Variants in CFI observed in about 807,000 individuals in gnomAD.
The protein encoded by CFI is complement factor I.
A neutral mutation model predicts 78.8 loss-of-function variants in CFI; 66 were observed. The ratio of observed to expected loss-of-function variants is 0.84; its 90% CI spans 0.69 to 1.03. CFI has a LOEUF of 1.03. CFI is among the 50% of genes least tolerant of loss of function. The probability of loss-of-function intolerance (pLI) is 0.00; values close to 1 mark genes in which losing one functional copy is unlikely to be tolerated. For missense variants in CFI, 706 were observed against 704.5 expected (o/e 1.00, Z -0.02); for synonymous variants, 250 against 232.6 (o/e 1.07, Z -0.68).
intron 11 of CFI, among the ~76,000 whole-genome samples, chr4:109,745,320 A>G (rs1462470988): frequency 6.6e-6 from 1 of 151,940 alleles, no homozygotes; most frequent in African/African-American, 2.4e-5. Context: ...AACCTCCAGG[A>G]GCTGGGACTA....
In CFI at chr4:109,749,202, T is replaced by C; in HGVS notation, c.1148+16A>G. On this transcript the variant is annotated intron_variant, in intron 10 of 12. Coordinates refer to ENST00000394634, the MANE Select transcript of CFI (RefSeq NM_000204.5). The stretch of plus-strand genomic sequence containing the variant: ...TTGTTTCGGGAAATCTAAAATTTAC[T>C]GAAGACATCTTTTACCTGAGACAAT... 6.3e-7 allele frequency: 1 copy of C among 1,597,806 alleles called. No individual in the cohort carries two copies. Among genetic ancestry groups the C allele is most frequent in the Non-Finnish European group, 8.6e-7 (1 of 1,165,118 alleles).
At chr4:109,750,323 A>G (rs574869600) in intron 8 of CFI, among the ~76,000 whole-genome samples, 1 of 152,218 alleles carries the variant, frequency 6.6e-6, no homozygotes, top group South Asian at 2.1e-4. Flanking sequence ...GAGGCTGTTT[A>G]TATGGAACTC....
chr4:109,753,752 T>C (rs1725708475), intron 7 of CFI, among the ~76,000 whole-genome samples: 1 of 120,470 alleles, frequency 8.3e-6, no homozygotes. Context: ...TTATCTAATG[T>C]ATAATTTTAT....
chr4:109,741,016 A>C lies in CFI; in HGVS notation c.1629T>G (p.Val543=), dbSNP rs771877754. ...TTCCACAGTTTTCCCCCCAACTCAC[A>C]ACACCCCAGACATAAGTCACATTGT... ...DANNVTYVWG[V]VSWGENCGKP... Residue 543 remains valine (V), a synonymous_variant, in exon 13 of 13, where the codon GTT becomes GTG. Coordinates refer to ENST00000394634, the MANE Select transcript of CFI (RefSeq NM_000204.5). The C allele has an allele frequency of 1.2e-6, 2 of 1,614,164 alleles. No individual in the cohort carries two copies. The highest frequency in any genetic ancestry group is 1.7e-6 in the Non-Finnish European group (2 of 1,179,998).
Position 109,750,653 on chromosome 4 carries a change from T to C in CFI, c.941-1051A>G, listed in dbSNP as rs183391146. Among the ~76,000 whole-genome samples the C allele has an allele frequency of 5.9e-5, 9 of 152,302 alleles. No homozygotes were observed. In the East Asian group the frequency reaches 1.3e-3, roughly 23 times the overall value. On this transcript the variant is annotated intron_variant, in intron 8 of 12. Transcript: ENST00000394634. ...TATGATGACTGAAGAAAGTAAAATATATCCCTTTATTTCCTCTCTATATTT... is the reference window on the plus strand; with the variant it reads ...TATGATGACTGAAGAAAGTAAAATACATCCCTTTATTTCCTCTCTATATTT...
intron 1 of CFI, among the ~76,000 whole-genome samples, chr4:109,779,923 G>A (rs145054753): frequency 1.3e-5 from 2 of 152,250 alleles, no homozygotes; most frequent in East Asian, 3.9e-4. Context: ...AAACTGGCTA[G>A]CCATAAGTAG....
chr4:109,800,225 T>TTTTAGGGTAAAATAAAA (rs1173629360), intron 1 of CFI, among the ~76,000 whole-genome samples: 4 of 151,840 alleles, frequency 2.6e-5, no homozygotes, highest in Non-Finnish European at 5.9e-5. Flanking sequence ...TGTAATAAAA[T>TTTTAGGGTAAAATAAAA]TTTAGGGTAA....
At chr4:109,779,274 T>C (rs1447908137) in intron 1 of CFI, among the ~76,000 whole-genome samples, 2 of 152,198 alleles carry the variant, frequency 1.3e-5, no homozygotes, top group East Asian at 1.9e-4. Context: ...TGATAAGCAA[T>C]TTCAGCAAAG....
Position 109,776,098 on chromosome 4 carries a change from AC to A in CFI, c.58-9275del, listed in dbSNP as rs1431860360. On this transcript the variant is annotated intron_variant, in intron 1 of 12. Transcript: ENST00000394634. The stretch of plus-strand genomic sequence containing the variant: ...ACCTCTTCTCCTTGCCAGCAACGGA[AC>A]AAAGCTGGATGGAGAATGATTTTGA... Among the ~76,000 whole-genome samples, 3 of 152,176 alleles carry A rather than the reference AC, an allele frequency of 2.0e-5. No individual in the cohort carries two copies. In the East Asian group the frequency reaches 5.8e-4, roughly 29 times the overall value.
chr4:109,791,293 G>GT (rs1318065628), intron 1 of CFI, among the ~76,000 whole-genome samples: 1 of 151,228 alleles, frequency 6.6e-6, no homozygotes, highest in African/African-American at 2.4e-5. Context: ...TTAATGGGTT[G>GT]TTTTTTTCTT....
chr4:109,758,216 G>T (rs548801910), intron 6 of CFI, among the ~76,000 whole-genome samples: 2 of 150,036 alleles, frequency 1.3e-5, no homozygotes, highest in Admixed American at 1.3e-4. Context: ...CCAGCAACAC[G>T]CCTTCTAAAG....
chr4:109,791,520 C>G (rs1302547068), intron 1 of CFI, among the ~76,000 whole-genome samples: 1 of 152,122 alleles, frequency 6.6e-6, no homozygotes, highest in African/African-American at 2.4e-5. Context: ...TTGCTCATTC[C>G]TATGTCCAGA....
In CFI at chr4:109,740,933, T is replaced by C; in HGVS notation, c.1712A>G (p.Tyr571Cys). 1 of 1,614,126 alleles carries C rather than the reference T, an allele frequency of 6.2e-7. No homozygotes were observed. The change falls in exon 13 of 13, where the codon TAC becomes TGC. Residue 571 changes from tyrosine to cysteine, a missense_variant. Physicochemically the swap from Tyr to Cys is radical, Grantham distance 194. Transcript: ENST00000394634. ...KVANYFDWIS[Y>C]HVGRPFISQY... Reference sequence around the variant, plus strand: ...AGAAATAAAAGGCCTTCCTACATGGTAGCTAATCCAGTCAAAATAATTGGC... The same window carrying C: ...AGAAATAAAAGGCCTTCCTACATGGCAGCTAATCCAGTCAAAATAATTGGC...
intron 7 of CFI, among the ~76,000 whole-genome samples, chr4:109,754,228 C>A (rs776737410): frequency 1.3e-5 from 2 of 151,102 alleles, no homozygotes; most frequent in Non-Finnish European, 2.9e-5. Flanking sequence ...GTGATCCACC[C>A]GCCTTGGCCT....
At chr4:109,747,080 T>C (rs1724568364) in intron 10 of CFI, among the ~76,000 whole-genome samples, 1 of 152,234 alleles carries the variant, frequency 6.6e-6, no homozygotes, top group Non-Finnish European at 1.5e-5. Context: ...TACTATTATA[T>C]CTGGATCATA....
intron 1 of CFI, among the ~76,000 whole-genome samples, chr4:109,776,865 A>C (rs372761349): frequency 1.3e-5 from 2 of 152,196 alleles, no homozygotes; most frequent in Admixed American, 6.5e-5. Flanking sequence ...TCATATCAAG[A>C]CAAACTAAGC....
At chr4:109,780,654 C>T (rs191060005) in intron 1 of CFI, among the ~76,000 whole-genome samples, 20 of 152,236 alleles carry the variant, frequency 1.3e-4, no homozygotes, top group Middle Eastern at 3.4e-3. Flanking sequence ...TGGGCATATA[C>T]CCAAAGAATT....
At position 109,741,097 on chromosome 4, in the gene CFI, A is replaced by G. The variant is rs145296508; in HGVS notation, c.1548T>C (p.Gly516=). 125 of 1,614,048 alleles carry G rather than the reference A, an allele frequency of 7.7e-5. No homozygotes were observed. Among genetic ancestry groups the G allele is most frequent in the Middle Eastern group, 1.6e-4 (1 of 6,084 alleles). ...AGTCCCCTTTACAGGCATCGATGGAACCATCATATGTACCTAAGAAAGAAA... is the reference window on the plus strand; with the variant it reads ...AGTCCCCTTTACAGGCATCGATGGAGCCATCATATGTACCTAAGAAAGAAA... The part of the protein sequence containing the change: ...KEMECAGTYD[G]SIDACKGDSG... The change falls in exon 13 of 13, where the codon GGT becomes GGC. Residue 516 remains glycine (G), a synonymous_variant. Transcript: ENST00000394634.
downstream of CFI, among the ~76,000 whole-genome samples, chr4:109,740,467 T>C (rs1723657033): frequency 6.6e-6 from 1 of 152,112 alleles, no homozygotes. Context: ...TGCCAAACAT[T>C]TATGTAAGTA....
Sources: gnomAD v4.1 joint callset for allele counts (sites outside exome capture counted in the v4.1 genomes callset) on GRCh38, gnomAD v4.1.1 for gene constraint, MANE v1.5 for transcripts, NCBI Gene and HGNC (gene_info 2026-07-23, HGNC 2026-07-21) for gene names.